Variants in ERBIN observed in about 807,000 individuals in gnomAD.
ERBIN encodes the protein densin-180-like protein.
In ERBIN, 60 loss-of-function variants were observed where a neutral mutation model predicts 158.4. The observed-to-expected ratio is 0.38, with a 90% CI of 0.31 to 0.47. ERBIN has a LOEUF of 0.47. Ranked by LOEUF, ERBIN falls within the 20% of genes least tolerant of loss-of-function variation. The pLI is 0.99. For missense variants in ERBIN, 1,610 were observed against 1,648.0 expected, an observed-to-expected ratio of 0.98 and a Z score of 0.40; for synonymous variants, 594 against 557.2, an observed-to-expected ratio of 1.07 and a Z score of -0.93.
chr5:66,006,401 A>G (rs1240812718), intron 4 of ERBIN, among the ~76,000 whole-genome samples: 1 of 152,222 alleles, frequency 6.6e-6, no homozygotes, highest in Non-Finnish European at 1.5e-5. Flanking sequence ...TTCACGATGG[A>G]TTAAAGACTT....
rs1762225075 is a variant in ERBIN at position 66,078,606 on chromosome 5, C to T, written c.*76C>T. 1.2e-6 allele frequency: 1 copy of T among 864,892 alleles called. No individual in the cohort carries two copies. The highest frequency in any genetic ancestry group is 1.5e-5 in the South Asian group (1 of 66,422). The allele number at this position is 864,892 out of a possible 1,614,324, so 53.6% of individuals were successfully genotyped here. The stretch of plus-strand genomic sequence containing the variant: ...CTTACAGGGGAAATTAATATTTTGA[C>T]TATTTTTATATATAAAGAAGAACTC... On this transcript the variant is annotated 3_prime_UTR_variant, in exon 26 of 26. Coordinates refer to ENST00000284037, the MANE Select transcript of ERBIN (RefSeq NM_001253697.2).
At chr5:66,062,574 G>T (rs748184238) in intron 21 of ERBIN, among the ~76,000 whole-genome samples, 1 of 152,122 alleles carries the variant, frequency 6.6e-6, no homozygotes, top group Non-Finnish European at 1.5e-5. Flanking sequence ...GCTTTGTTCC[G>T]TTGCTGGTGA....
At position 65,928,246 on chromosome 5, in the gene ERBIN, CTTT is replaced by C. The variant is rs368780657; in HGVS notation, c.-58+1449_-58+1451del. On this transcript the variant is annotated intron_variant, in intron 1 of 25. Coordinates refer to ENST00000284037, the MANE Select transcript of ERBIN (RefSeq NM_001253697.2). ...CCCCGGGGCATGGTCTCAGGAGATT[CTTT>C]TTTTTTTTCATTGTTGGTAAGATTT... Among the ~76,000 whole-genome samples the C allele has an allele frequency of 2.1e-5, 3 of 143,314 alleles. No individual in the cohort carries two copies. The South Asian group carries it at 6.7e-4, about 32-fold the overall frequency. 94.0% of individuals were successfully genotyped at this position (143,314 alleles called of 152,430 possible). A position where few individuals can be genotyped will look rare whatever the true frequency, so the allele number is the denominator to read the frequency against.
chr5:65,981,137 T>G (rs193299130), intron 1 of ERBIN, among the ~76,000 whole-genome samples: 58 of 152,336 alleles, frequency 3.8e-4, no homozygotes, highest in Admixed American at 7.2e-4. Flanking sequence ...AAATGAGGTT[T>G]GGTAGATTAC....
At chr5:65,987,164 C>A (rs1751322453) in intron 1 of ERBIN, among the ~76,000 whole-genome samples, 1 of 152,034 alleles carries the variant, frequency 6.6e-6, no homozygotes, top group African/African-American at 2.4e-5. Flanking sequence ...ACTGTGTTAC[C>A]CATTTCTTGT....
At chr5:65,936,736 A>G (rs550912745) in intron 1 of ERBIN, among the ~76,000 whole-genome samples, 2 of 152,220 alleles carry the variant, frequency 1.3e-5, no homozygotes, top group Non-Finnish European at 2.9e-5. Flanking sequence ...TTTTTTCCCC[A>G]ATTATAAAAA....
rs181366738 is a variant in ERBIN, at chr5:66,032,140, A to G, written c.1206+3797A>G. On this transcript the variant is annotated intron_variant, in intron 14 of 25. Coordinates refer to ENST00000284037, the MANE Select transcript of ERBIN (RefSeq NM_001253697.2). ...AAGCAGATCATTGTGACAAGAGTGT[A>G]ACAGTGAGACGGAAAAGGTAGAAAA... 1.4e-3 allele frequency among the ~76,000 whole-genome samples: 215 copies of G among 152,324 alleles called. 1 individual carries two copies. Among genetic ancestry groups the G allele is most frequent in the African/African-American group, 5.0e-3 (209 of 41,578 alleles).
chr5:66,013,398 A>G (rs1309129121), intron 5 of ERBIN, 151 bp from the exon 6 acceptor site: 9 of 638,634 alleles, frequency 1.4e-5, no homozygotes, highest in Middle Eastern at 4.2e-4. Context: ...ATAAAAGGCA[A>G]ATCTTTGAAG....
intron 1 of ERBIN, among the ~76,000 whole-genome samples, chr5:65,939,706 C>T (rs565569448): frequency 9.5e-4 from 145 of 152,380 alleles, no homozygotes; most frequent in African/African-American, 3.3e-3. Context: ...GCCACCACGC[C>T]TGACTGGTTT....
At chr5:65,951,535 T>C (rs779129230) in intron 1 of ERBIN, among the ~76,000 whole-genome samples, 3 of 152,192 alleles carry the variant, frequency 2.0e-5, no homozygotes, top group Non-Finnish European at 4.4e-5. Context: ...CAGAGACCAG[T>C]GAGTAGTAAA....
intron 14 of ERBIN, 39 bp from the exon 15 acceptor site, chr5:66,038,344 A>T: frequency 7.4e-7 from 1 of 1,342,472 alleles, no homozygotes; most frequent in Non-Finnish European, 1.1e-6. Flanking sequence ...TATTTGCTTT[A>T]GGGTTATTGA....
In ERBIN at chr5:66,043,404, T is replaced by G. The variant is rs185582440; in HGVS notation, c.1428+206T>G. Among the ~76,000 whole-genome samples the G allele has an allele frequency of 7.2e-5, 11 of 152,262 alleles. No individual in the cohort carries two copies. In the East Asian group the frequency reaches 1.9e-3, roughly 27 times the overall value. On this transcript the variant is annotated intron_variant, in intron 16 of 25. Transcript: ENST00000284037. ...AAACTATGTGATTTAAAGCTAAATT[T>G]CATAGTATATATAAATATAAGAGGA...
intron 7 of ERBIN, among the ~76,000 whole-genome samples, chr5:66,020,495 C>T (rs1303930237): frequency 6.6e-6 from 1 of 151,918 alleles, no homozygotes; most frequent in African/African-American, 2.4e-5. Flanking sequence ...TCATATCCTA[C>T]AAAATCCTTA....
At chr5:65,951,278 G>C (rs1039390900) in intron 1 of ERBIN, among the ~76,000 whole-genome samples, 8 of 152,082 alleles carry the variant, frequency 5.3e-5, no homozygotes, top group Non-Finnish European at 1.0e-4. Context: ...AGACTATTGT[G>C]TTTCTCTCTC....
At chr5:65,968,634 C>A (rs555036168) in intron 1 of ERBIN, among the ~76,000 whole-genome samples, 1 of 152,262 alleles carries the variant, frequency 6.6e-6, no homozygotes, top group African/African-American at 2.4e-5. Flanking sequence ...GATCTTGGCT[C>A]ACTGCAACCT....
chr5:65,983,710 G>A (rs1356705512), intron 1 of ERBIN, among the ~76,000 whole-genome samples: 3 of 152,156 alleles, frequency 2.0e-5, no homozygotes, highest in Admixed American at 6.5e-5. Flanking sequence ...AAATCCAGCC[G>A]AGTATACATG....
intron 6 of ERBIN, 53 bp from the exon 7 acceptor site, chr5:66,014,616 T>C (rs1486333064): frequency 2.4e-6 from 2 of 849,152 alleles, no homozygotes; most frequent in Non-Finnish European, 3.6e-6. Flanking sequence ...GAAATTAATT[T>C]ATTAAATTCA....
chr5:65,967,768 A>G (rs562723633), intron 1 of ERBIN, among the ~76,000 whole-genome samples: 12 of 152,386 alleles, frequency 7.9e-5, no homozygotes, highest in South Asian at 2.1e-4. Context: ...TAGTGATATT[A>G]TAAACCAAGA....
At chr5:66,045,226 G>C (rs550005811) in intron 17 of ERBIN, among the ~76,000 whole-genome samples, 3 of 151,886 alleles carry the variant, frequency 2.0e-5, no homozygotes, top group African/African-American at 7.2e-5. Context: ...CTCAAAAAAA[G>C]AAAAAATGTG....
Sources: allele counts gnomAD v4.1 joint callset (sites outside exome capture counted in the v4.1 genomes callset), GRCh38; gene constraint gnomAD v4.1.1; transcripts MANE v1.5; gene names NCBI Gene and HGNC (gene_info 2026-07-23, HGNC 2026-07-21).